The following XPO7 variants were observed in gnomAD, a reference collection of about 807,000 sequenced individuals.
The protein encoded by XPO7 is exportin-7.
In XPO7, 21 loss-of-function variants were observed where a neutral mutation model predicts 144.3. The ratio of observed to expected loss-of-function variants is 0.15; its 90% confidence interval spans 0.10 to 0.21. The LOEUF (loss-of-function observed/expected upper bound fraction) is 0.21. XPO7 is among the 10% of genes least tolerant of loss of function. XPO7 has a pLI of 1.00. For missense variants in XPO7, 808 were observed against 1,325.8 expected, an observed-to-expected ratio of 0.61 and a Z score of 6.06; for synonymous variants, 580 against 499.6, an observed-to-expected ratio of 1.16 and a Z score of -2.15.
chr8:21,991,818 G>A, intron 18 of XPO7, 50 bp from the exon 19 acceptor site: 1 of 1,473,970 alleles, frequency 6.8e-7, no homozygotes. Context: ...TATATGCACA[G>A]CTTTGAATTC....
chr8:21,949,269 G>GTCACTTTACCCC (rs1302291334), intron 1 of XPO7, among the ~76,000 whole-genome samples: 1 of 152,094 alleles, frequency 6.6e-6, no homozygotes, highest in African/African-American at 2.4e-5. Flanking sequence ...ACTTCCTAGG[G>GTCACTTTACCCC]TAGCACGAGT....
chr8:21,979,811 T>C (rs1365070125), intron 8 of XPO7, among the ~76,000 whole-genome samples: 1 of 152,068 alleles, frequency 6.6e-6, no homozygotes, highest in East Asian at 1.9e-4. Context: ...AAAGTATAAA[T>C]TGCTCGATAT....
intron 1 of XPO7, among the ~76,000 whole-genome samples, chr8:21,954,068 G>A (rs562452783): frequency 7.9e-5 from 12 of 152,156 alleles, no homozygotes; most frequent in Non-Finnish European, 1.6e-4. Flanking sequence ...AATTCTCTGG[G>A]CCAGTTTATG....
chr8:21,973,491 G>C (rs927637064), intron 5 of XPO7, among the ~76,000 whole-genome samples: 23 of 152,212 alleles, frequency 1.5e-4, no homozygotes, highest in African/African-American at 5.5e-4. Context: ...AGAATATTTT[G>C]AGCCTCTAAA....
At position 21,970,326 on chromosome 8, in the gene XPO7, T is replaced by A; in HGVS notation, c.426+16T>A. 1 of 1,607,304 alleles carries A rather than the reference T, an allele frequency of 6.2e-7. No homozygotes were observed. Among genetic ancestry groups the A allele is most frequent in the Non-Finnish European group, 8.5e-7 (1 of 1,176,898 alleles). On this transcript the variant is annotated intron_variant, in intron 4 of 27. Coordinates refer to ENST00000252512, the MANE Select transcript of XPO7 (RefSeq NM_015024.5). ...GTTTTTACAGGTACAGTGTATATATTTGATGTAATGGGAATGGGAGAACCA... is the reference window on the plus strand; with the variant it reads ...GTTTTTACAGGTACAGTGTATATATATGATGTAATGGGAATGGGAGAACCA...
At chr8:21,940,798 AG>A (rs1277635729) in intron 1 of XPO7, among the ~76,000 whole-genome samples, 1 of 152,092 alleles carries the variant, frequency 6.6e-6, no homozygotes, top group Non-Finnish European at 1.5e-5. Context: ...CGTCCTGTAT[AG>A]TCTTGCCAAA....
Position 21,990,386 on chromosome 8 carries a change from G to A in XPO7, c.1911G>A (p.Gln637=), listed in dbSNP as rs1397674779. The part of the protein sequence containing the change: ...VRKLVKLSAV[Q]FMLNNHTSEH... ...AGCTAGTGAAGCTTAGTGCGGTACA[G>A]TTCATGCTGAACAATCACACGGTGA... The change falls in exon 17 of 28, where the codon CAG becomes CAA. Residue 637 remains glutamine, a synonymous_variant. Transcript: ENST00000252512. 2 of 1,613,854 alleles carry A rather than the reference G, an allele frequency of 1.2e-6. No individual in the cohort carries two copies. The highest frequency in any genetic ancestry group is 1.7e-6 in the Non-Finnish European group (2 of 1,179,780).
At chr8:21,987,316 T>G in intron 14 of XPO7, 40 bp downstream of exon 14, 5 of 1,612,006 alleles carry the variant, frequency 3.1e-6, no homozygotes, top group African/African-American at 2.7e-5. Context: ...TTCTCACTTC[T>G]CACTTGTGGG....
At chr8:21,989,819 T>A (rs1196105506) in intron 16 of XPO7, among the ~76,000 whole-genome samples, 1 of 118,180 alleles carries the variant, frequency 8.5e-6, no homozygotes, top group Non-Finnish European at 1.7e-5. Flanking sequence ...TATAGGTGTT[T>A]CCTTTTTTTT....
chr8:21,958,395 A>G (rs1811607830), intron 1 of XPO7, among the ~76,000 whole-genome samples: 1 of 152,244 alleles, frequency 6.6e-6, no homozygotes, highest in Admixed American at 6.5e-5. Context: ...AAGATATTTT[A>G]AACCATATTG....
intron 1 of XPO7, among the ~76,000 whole-genome samples, chr8:21,953,572 T>A (rs375648467): frequency 3.3e-5 from 5 of 152,198 alleles, no homozygotes; most frequent in East Asian, 3.8e-4. Flanking sequence ...TAAGAGTATG[T>A]TTAGTTTTGT....
intron 1 of XPO7, among the ~76,000 whole-genome samples, chr8:21,937,838 G>T (rs929956104): frequency 3.9e-5 from 6 of 152,136 alleles, no homozygotes; most frequent in Admixed American, 1.3e-4. Context: ...AAGTAGGAAT[G>T]TTACGTAAAT....
intron 1 of XPO7, among the ~76,000 whole-genome samples, chr8:21,925,717 G>A (rs1810437561): frequency 6.6e-6 from 1 of 152,166 alleles, no homozygotes; most frequent in Non-Finnish European, 1.5e-5. Flanking sequence ...GATCTGTGAA[G>A]TCCCTTGTAC....
At position 21,949,854 on chromosome 8, in the gene XPO7, C is replaced by T. The variant is rs1443381004; in HGVS notation, c.19-17003C>T. ...AAGCGATTCTCCTGCCTTAGCCTCC[C>T]GAATAGCTGGAATTACAGGGGAACA... On this transcript the variant is annotated intron_variant, in intron 1 of 27. Coordinates refer to ENST00000252512, the MANE Select transcript of XPO7 (RefSeq NM_015024.5). Among the ~76,000 whole-genome samples, 9 of 152,290 alleles carry T rather than the reference C, an allele frequency of 5.9e-5. No individual in the cohort carries two copies. The South Asian group carries it at 1.2e-3, about 21-fold the overall frequency.
intron 26 of XPO7, 27 bp downstream of exon 26, chr8:22,003,344 A>G: frequency 1.3e-6 from 2 of 1,577,178 alleles, no homozygotes; most frequent in Admixed American, 1.8e-5. Context: ...CCTGGTGCCA[A>G]CCCAGAAGCA....
At chr8:21,950,015 G>C (rs554860781) in intron 1 of XPO7, among the ~76,000 whole-genome samples, 1 of 152,228 alleles carries the variant, frequency 6.6e-6, no homozygotes, top group African/African-American at 2.4e-5. Context: ...GTGACACACC[G>C]TACTGGGCCC....
chr8:21,945,529 C>G (rs975951420), intron 1 of XPO7, among the ~76,000 whole-genome samples: 1 of 152,172 alleles, frequency 6.6e-6, no homozygotes, highest in African/African-American at 2.4e-5. Context: ...ATGTTTGAGA[C>G]AAAATAGGCC....
chr8:21,984,731 G>C lies in XPO7; in HGVS notation c.1363G>C (p.Glu455Gln). The C allele has an allele frequency of 6.2e-7, 1 of 1,614,028 alleles. No individual in the cohort carries two copies. Among genetic ancestry groups the C allele is most frequent in the Non-Finnish European group, 8.5e-7 (1 of 1,179,898 alleles). Reference sequence around the variant, plus strand: ...GTCCACCATTGGGCGTTGTGAATATGAGAAGACGTGTGCACTCCTCGTGCA... The same window carrying C: ...GTCCACCATTGGGCGTTGTGAATATCAGAAGACGTGTGCACTCCTCGTGCA... The part of the protein sequence containing the change: ...QLSTIGRCEY[E>Q]KTCALLVQLF... The change falls in exon 12 of 28, where the codon GAG becomes CAG. Residue 455 changes from glutamate to glutamine, a missense_variant. Glu to Gln is a conservative substitution (Grantham distance 29, BLOSUM62 2). Transcript: ENST00000252512.
At chr8:21,980,007 A>G in intron 8 of XPO7, 77 bp from the exon 9 acceptor site, 1 of 1,411,566 alleles carries the variant, frequency 7.1e-7, no homozygotes, top group East Asian at 2.7e-5. Flanking sequence ...AGGATATTGT[A>G]GGAGGTGGAA....
Sources: allele counts gnomAD v4.1 joint callset (sites outside exome capture counted in the v4.1 genomes callset), GRCh38; gene constraint gnomAD v4.1.1; transcripts MANE v1.5; gene names NCBI Gene and HGNC (gene_info 2026-07-23, HGNC 2026-07-21).